Variants in APC observed in about 807,000 individuals in gnomAD.
The protein encoded by APC is APC regulator of Wnt signaling pathway.
Under a neutral mutation model 247.0 loss-of-function variants are expected in APC, and 72 were observed. The ratio of observed to expected loss-of-function variants is 0.29; its 90% CI spans 0.24 to 0.35. The LOEUF (loss-of-function observed/expected upper bound fraction) is 0.35. Among genes scored for constraint, APC ranks in the 10% least tolerant of loss-of-function variants. The pLI is 1.00. For missense variants in APC, 3,400 were observed against 3,360.7 expected (o/e 1.01, Z -0.29); for synonymous variants, 1,254 against 1,162.5 (o/e 1.08, Z -1.60).
In APC at chr5:112,755,042, T is replaced by G. The variant is rs1057522199; in HGVS notation, c.135+17T>G. 6.2e-7 allele frequency: 1 copy of G among 1,612,998 alleles called. No homozygotes were observed. Among genetic ancestry groups the G allele is most frequent in the East Asian group, 2.2e-5 (1 of 44,792 alleles). On this transcript the variant is annotated intron_variant, in intron 2 of 15. Coordinates refer to ENST00000257430, the MANE Select transcript of APC (RefSeq NM_000038.6). ...AATATGAAGGTATCAAGACTGTGAC[T>G]TTTAATTGTAGTTTATCCATTTTTA...
chr5:112,843,201 C>A lies in APC; in HGVS notation c.7607C>A (p.Pro2536His), dbSNP rs1561617002. The A allele has an allele frequency of 1.2e-6, 2 of 1,613,340 alleles. No homozygotes were observed. The highest frequency in any genetic ancestry group is 1.7e-6 in the Non-Finnish European group (2 of 1,179,292). Residue 2536 changes from proline to histidine, a missense_variant, in exon 16 of 16, where the codon CCT becomes CAT. Pro to His is a moderately conservative substitution (Grantham distance 77). Around this residue, in one of 9 missense-constraint regions of APC, gnomAD observed 1,788 missense variants for 1,649.5 expected, o/e 1.08. Coordinates refer to ENST00000257430, the MANE Select transcript of APC (RefSeq NM_000038.6). The surrounding 1 kb of genome is among the most constrained non-coding windows in gnomAD (Gnocchi z 4.8). ...HDIARSHSES[P>H]SRLPINRSGT... is the part of the protein sequence containing the mutation. Reference sequence around the variant, plus strand: ...ATTGCACGGTCTCATTCTGAAAGTCCTTCTAGACTTCCAATCAATAGGTCA... The same window carrying A: ...ATTGCACGGTCTCATTCTGAAAGTCATTCTAGACTTCCAATCAATAGGTCA...
intron 14 of APC, among the ~76,000 whole-genome samples, chr5:112,832,109 A>G (rs1468365418): frequency 1.3e-5 from 2 of 152,110 alleles, no homozygotes; most frequent in African/African-American, 2.4e-5. Context: ...TGCTGTTACT[A>G]CTTGTATTAA....
At chr5:112,831,736 C>T (rs1209484120) in intron 14 of APC, among the ~76,000 whole-genome samples, 3 of 152,134 alleles carry the variant, frequency 2.0e-5, no homozygotes, top group African/African-American at 7.2e-5. Context: ...TTGTCTTCTA[C>T]ATATTCTCTA....
At chr5:112,768,339 T>G (rs1183820759) in intron 4 of APC, among the ~76,000 whole-genome samples, 2 of 150,756 alleles carry the variant, frequency 1.3e-5, no homozygotes, top group African/African-American at 2.4e-5. Context: ...GGCACTACAC[T>G]TGGCCAAGAC....
chr5:112,838,266 T>G lies in APC; in HGVS notation c.2672T>G (p.Met891Arg). The G allele has an allele frequency of 6.2e-7, 1 of 1,614,204 alleles. No individual in the cohort carries two copies. Residue 891 changes from methionine (M) to arginine (R), a missense_variant, in exon 16 of 16, where the codon ATG becomes AGG. This residue lies in a region of APC where 715 missense variants were observed against 656.6 expected (regional missense o/e 1.09). Transcript: ENST00000257430. ...ACTGCAGCCCAGATTGCCAAAGTCA[T>G]GGAAGAAGTGTCAGCCATTCATACC... Reference protein sequence around the residue: ...STTAAQIAKVMEEVSAIHTSQ... With the variant: ...STTAAQIAKVREEVSAIHTSQ...
rs587781400 is a variant in APC, at chr5:112,841,250, G to C, written c.5656G>C (p.Glu1886Gln). Residue 1886 changes from glutamate to glutamine, a missense_variant, in exon 16 of 16, where the codon GAA becomes CAA. Transcript: ENST00000257430. The surrounding 1 kb of genome is among the most constrained non-coding windows in gnomAD (Gnocchi z 4.6). Reference sequence around the variant, plus strand: ...AAAGGCTGAATTAAGAAAGGCAAAAGAAAATAAGGAATCAGAGGCTAAAGT... The same window carrying C: ...AAAGGCTGAATTAAGAAAGGCAAAACAAAATAAGGAATCAGAGGCTAAAGT... Reference protein sequence around the residue: ...REKAELRKAKENKESEAKVTS... With the variant: ...REKAELRKAKQNKESEAKVTS... The C allele has an allele frequency of 6.2e-7, 1 of 1,613,686 alleles. No individual in the cohort carries two copies. The highest frequency in any genetic ancestry group is 8.5e-7 in the Non-Finnish European group (1 of 1,179,722).
chr5:112,717,908 C>CTTTTTTTTTTTTT lies in APC; in HGVS notation c.165+10043_165+10055dup. Among the ~76,000 whole-genome samples the CTTTTTTTTTTTTT allele has an allele frequency of 9.9e-3, 401 of 40,690 alleles. 111 individuals are homozygous for CTTTTTTTTTTTTT. Among genetic ancestry groups the CTTTTTTTTTTTTT allele is most frequent in the Non-Finnish European group, 0.012 (255 of 22,138 alleles). 26.7% of individuals were successfully genotyped at this position (40,690 alleles called of 152,430 possible). A position where few individuals can be genotyped will look rare whatever the true frequency, so the allele number is the denominator to read the frequency against. On this transcript the variant is annotated intron_variant, in intron 1 of 13. Transcript: ENST00000507379. ...CTCTTTTCTTTTTCTTTTTCTTTTT[C>CTTTTTTTTTTTTT]TTTTTTTTTTTTTTTTTTTTTTTTT... is the stretch of plus-strand genomic sequence containing the variant.
chr5:112,829,252 C>T (rs1016866265), intron 14 of APC: 3 of 343,200 alleles, frequency 8.7e-6, no homozygotes, highest in African/African-American at 4.3e-5. Flanking sequence ...GATTCTCCTG[C>T]CTCAGCCTCC....
chr5:112,716,540 T>G (rs1581016287), intron 1 of APC, among the ~76,000 whole-genome samples: 1 of 152,170 alleles, frequency 6.6e-6, no homozygotes, highest in Non-Finnish European at 1.5e-5. Flanking sequence ...AGTGCAGGTC[T>G]CTGTATTTTT....
rs1316220949 is a variant in APC at position 112,841,675 on chromosome 5, C to G, written c.6081C>G (p.Leu2027=). The G allele has an allele frequency of 6.2e-7, 1 of 1,613,862 alleles. No homozygotes were observed. Among genetic ancestry groups the G allele is most frequent in the Non-Finnish European group, 8.5e-7 (1 of 1,179,784 alleles). The change falls in exon 16 of 16, where the codon CTC becomes CTG. Residue 2027 remains leucine, a synonymous_variant. Transcript: ENST00000257430. The surrounding 1 kb of genome is among the most constrained non-coding windows in gnomAD (Gnocchi z 4.6). ...TTTGTTTCTCAAGAAACAGTTCTCT[C>G]AGTTCTCTTAGTATTGACTCTGAAG... ...TPVCFSRNSS[L]SSLSIDSEDD... is the part of the protein sequence containing the mutation.
At chr5:112,790,424 C>T (rs1288188987) in intron 6 of APC, among the ~76,000 whole-genome samples, 2 of 151,956 alleles carry the variant, frequency 1.3e-5, no homozygotes, top group African/African-American at 2.4e-5. Context: ...CTCCTGGGTT[C>T]GAGCGATTCT....
intron 6 of APC, among the ~76,000 whole-genome samples, chr5:112,787,603 T>G (rs1759110086): frequency 1.3e-5 from 2 of 152,216 alleles, no homozygotes; most frequent in Non-Finnish European, 2.9e-5. Flanking sequence ...CTTTCTAAGT[T>G]ACTTCCTCAT....
Position 112,707,586 on chromosome 5 carries a change from G to GT in APC, c.-132_-131insT, listed in dbSNP as rs926268635. 81 of 970,032 alleles carry GT rather than the reference G, an allele frequency of 8.4e-5. No homozygotes were observed. In the African/African-American group the frequency reaches 1.3e-3, roughly 15 times the overall value. 60.1% of individuals were successfully genotyped at this position (970,032 alleles called of 1,614,324 possible). A position where few individuals can be genotyped will look rare whatever the true frequency, so the allele number is the denominator to read the frequency against. ...GCCGCCGGAAGCCTAGCCGCTGCTCGGGGGGGACCTGCGGGCTCAGGCCCG... is the reference window on the plus strand; with the variant it reads ...GCCGCCGGAAGCCTAGCCGCTGCTCGTGGGGGGACCTGCGGGCTCAGGCCCG... On this transcript the variant is annotated 5_prime_UTR_variant, in exon 1 of 14. Coordinates refer to the APC transcript ENST00000507379.
At chr5:112,736,033 G>T (rs527609061), upstream of APC, among the ~76,000 whole-genome samples, 17 of 152,196 alleles carry the variant, frequency 1.1e-4, no homozygotes, top group South Asian at 4.1e-4. Flanking sequence ...CCTTTTAAAA[G>T]GTATTCTTTG....
In APC at chr5:112,707,610, C is replaced by G. The variant is rs561513597; in HGVS notation, c.-108C>G. The G allele has an allele frequency of 1.1e-5, 14 of 1,232,838 alleles. No individual in the cohort carries two copies. In the Admixed American group the frequency reaches 2.5e-4, roughly 22 times the overall value. 76.4% of individuals were successfully genotyped at this position (1,232,838 alleles called of 1,614,324 possible). On this transcript the variant is annotated 5_prime_UTR_variant, in exon 1 of 14. Transcript: ENST00000507379. ...CGGGGGGGACCTGCGGGCTCAGGCC[C>G]GGGAGCTGCGGACCGAGGTTGGCTC...
At chr5:112,781,332 G>T (rs147176756) in intron 6 of APC, among the ~76,000 whole-genome samples, 3 of 152,338 alleles carry the variant, frequency 2.0e-5, no homozygotes, top group African/African-American at 4.8e-5. Flanking sequence ...TAGGAGAGAT[G>T]AAGTAAGTTG....
At position 112,840,059 on chromosome 5, in the gene APC, T is replaced by C. The variant is rs1554085897; in HGVS notation, c.4465T>C (p.Leu1489=). Residue 1489 remains leucine (L), a synonymous_variant, in exon 16 of 16, where the codon TTA becomes CTA. Coordinates refer to ENST00000257430, the MANE Select transcript of APC (RefSeq NM_000038.6). The surrounding 1 kb of genome is among the most constrained non-coding windows in gnomAD (Gnocchi z 4.1). ...GGTTCTTCCAGATGCTGATACTTTA[T>C]TACATTTTGCCACGGAAAGTACTCC... is the stretch of plus-strand genomic sequence containing the variant. The part of the protein sequence containing the change: ...VQVLPDADTL[L]HFATESTPDG... The C allele has an allele frequency of 1.2e-6, 2 of 1,614,114 alleles. No individual in the cohort carries two copies. The highest frequency in any genetic ancestry group is 1.7e-6 in the Non-Finnish European group (2 of 1,180,006).
intron 11 of APC, among the ~76,000 whole-genome samples, chr5:112,824,420 C>T (rs1763440293): frequency 1.3e-5 from 2 of 152,174 alleles, no homozygotes; most frequent in South Asian, 2.1e-4. Flanking sequence ...AAAAGCACTT[C>T]CTCTTTTATC....
rs1554087168 is a variant in APC, at chr5:112,841,641, A to G, written c.6047A>G (p.Asp2016Gly). ...GYAPKSFHVE[D>G]TPVCFSRNSS... is the part of the protein sequence containing the mutation. ...GCTCCTAAATCATTTCATGTTGAAG[A>G]TACCCCAGTTTGTTTCTCAAGAAAC... Residue 2016 changes from aspartate to glycine, a missense_variant, in exon 16 of 16, where the codon GAT becomes GGT. Transcript: ENST00000257430. The surrounding 1 kb of genome is among the most constrained non-coding windows in gnomAD (Gnocchi z 4.6). 2 of 1,613,536 alleles carry G rather than the reference A, an allele frequency of 1.2e-6. No homozygotes were observed. Among genetic ancestry groups the G allele is most frequent in the Non-Finnish European group, 1.7e-6 (2 of 1,179,460 alleles).
Sources: gnomAD v4.1 joint callset for allele counts (sites outside exome capture counted in the v4.1 genomes callset) on GRCh38, gnomAD v4.1.1 for gene constraint, gnomAD v4.1.1 regional missense constraint, Gnocchi (gnomAD v3.1) non-coding constraint, MANE v1.5 for transcripts, NCBI Gene and HGNC (gene_info 2026-07-23, HGNC 2026-07-21) for gene names.